SCFD2: variants seen among roughly 807,000 people sequenced by gnomAD.
SCFD2 encodes sec1 family domain-containing protein 2.
SCFD2 carries 54 observed loss-of-function variants against 58.9 expected under a neutral mutation model. The observed-to-expected ratio is 0.92, with a 90% CI of 0.74 to 1.15. The LOEUF (loss-of-function observed/expected upper bound fraction) is 1.15. Among genes scored for constraint, SCFD2 ranks in the 50% most tolerant of loss-of-function variants. The pLI is 0.00. For missense variants in SCFD2, 805 were observed against 836.6 expected, an observed-to-expected ratio of 0.96 and a Z score of 0.47; for synonymous variants, 321 against 335.9, an observed-to-expected ratio of 0.96 and a Z score of 0.49.
At chr4:53,136,688 T>A (rs1487243839) in intron 5 of SCFD2, among the ~76,000 whole-genome samples, 2 of 152,212 alleles carry the variant, frequency 1.3e-5, no homozygotes, top group African/African-American at 4.8e-5. Flanking sequence ...GCTACATTTA[T>A]TAGACATGCA....
At chr4:53,228,242 T>C (rs553267941) in intron 4 of SCFD2, among the ~76,000 whole-genome samples, 5 of 152,264 alleles carry the variant, frequency 3.3e-5, no homozygotes, top group South Asian at 4.1e-4. Flanking sequence ...AAACATCTTG[T>C]AAAGACTTCA....
chr4:53,116,846 T>C (rs766345259), intron 5 of SCFD2, among the ~76,000 whole-genome samples: 25 of 152,190 alleles, frequency 1.6e-4, no homozygotes, highest in Non-Finnish European at 3.4e-4. Context: ...AGAAGGCAGA[T>C]GGATGTTAAC....
At chr4:53,256,553 T>C (rs976748508) in intron 4 of SCFD2, among the ~76,000 whole-genome samples, 7 of 152,052 alleles carry the variant, frequency 4.6e-5, no homozygotes, top group Admixed American at 3.9e-4. Context: ...TGTAGTGAGC[T>C]GAGATCACGC....
chr4:52,903,052 T>C lies in SCFD2; in HGVS notation c.1842+4405A>G, dbSNP rs982561834. On this transcript the variant is annotated intron_variant, in intron 7 of 8. Transcript: ENST00000401642. ...TCCCTTTGTGTCACTCATCCTCCTA[T>C]GTGACCACTCTGTGAGGTCACATTT... Among the ~76,000 whole-genome samples the C allele has an allele frequency of 1.5e-4, 23 of 152,222 alleles. 1 individual carries two copies. The highest frequency in any genetic ancestry group is 1.2e-3 in the Admixed American group (19 of 15,290).
chr4:53,169,092 T>C (rs1306760735), intron 4 of SCFD2, among the ~76,000 whole-genome samples: 1 of 152,230 alleles, frequency 6.6e-6, no homozygotes, highest in Admixed American at 6.5e-5. Flanking sequence ...TAAGAATGCA[T>C]AGGCCGGGCG....
At chr4:53,330,984 CAA>C (rs1733438308) in intron 2 of SCFD2, among the ~76,000 whole-genome samples, 1 of 150,858 alleles carries the variant, frequency 6.6e-6, no homozygotes. Context: ...CAACAAAGAT[CAA>C]AAGAGACAAA....
intron 4 of SCFD2, among the ~76,000 whole-genome samples, chr4:53,223,838 G>A (rs953307913): frequency 4.6e-5 from 7 of 152,226 alleles, no homozygotes; most frequent in African/African-American, 1.7e-4. Context: ...TCTCATGGAA[G>A]GTTATAAACT....
At chr4:53,331,504 C>T (rs1424699331) in intron 2 of SCFD2, among the ~76,000 whole-genome samples, 3 of 152,132 alleles carry the variant, frequency 2.0e-5, no homozygotes, top group African/African-American at 7.2e-5. Flanking sequence ...CTACTGGATA[C>T]ATAACGAAAT....
In SCFD2 at chr4:53,081,009, T is replaced by C. The variant is rs143666038; in HGVS notation, c.1561+64324A>G. Among the ~76,000 whole-genome samples the C allele has an allele frequency of 4.6e-5, 7 of 152,280 alleles. No individual in the cohort carries two copies. In the East Asian group the frequency reaches 1.4e-3, roughly 29 times the overall value. Reference sequence around the variant, plus strand: ...ATGAAATACATTAAGTATATAATAATTCTGACTTCAAGAACTATCCAGTAT... The same window carrying C: ...ATGAAATACATTAAGTATATAATAACTCTGACTTCAAGAACTATCCAGTAT... On this transcript the variant is annotated intron_variant, in intron 5 of 8. Transcript: ENST00000401642.
chr4:53,205,961 T>C (rs1209202168), intron 4 of SCFD2, among the ~76,000 whole-genome samples: 1 of 152,000 alleles, frequency 6.6e-6, no homozygotes, highest in African/African-American at 2.4e-5. Flanking sequence ...GTAAATATAA[T>C]CATAGAACTT....
chr4:52,952,640 A>T lies in SCFD2; in HGVS notation c.1562-31770T>A, dbSNP rs895017691. 3.3e-5 allele frequency among the ~76,000 whole-genome samples: 5 copies of T among 152,250 alleles called. No individual in the cohort carries two copies. The East Asian group carries it at 9.6e-4, about 29-fold the overall frequency. Reference sequence around the variant, plus strand: ...AATAGGCAGTAATCACATATGGGCAACATCTAGGTGACCCCAGCATGGATT... The same window carrying T: ...AATAGGCAGTAATCACATATGGGCATCATCTAGGTGACCCCAGCATGGATT... On this transcript the variant is annotated intron_variant, in intron 5 of 8. Transcript: ENST00000401642.
intron 5 of SCFD2, among the ~76,000 whole-genome samples, chr4:52,962,719 G>C (rs1720879945): frequency 6.6e-6 from 1 of 152,156 alleles, no homozygotes; most frequent in Non-Finnish European, 1.5e-5. Flanking sequence ...GACAAAAGTT[G>C]TAACTTCTTG....
chr4:53,005,906 C>T (rs1397591922), intron 5 of SCFD2, among the ~76,000 whole-genome samples: 1 of 152,082 alleles, frequency 6.6e-6, no homozygotes, highest in Non-Finnish European at 1.5e-5. Flanking sequence ...GGAGAACTTG[C>T]CCTTTAATAA....
At chr4:52,898,099 AC>A (rs1719074811) in intron 7 of SCFD2, among the ~76,000 whole-genome samples, 3 of 152,156 alleles carry the variant, frequency 2.0e-5, no homozygotes, top group Non-Finnish European at 4.4e-5. Flanking sequence ...TTTTCAAAAA[AC>A]CAGCTCCTGG....
At chr4:53,202,630 T>C (rs950548954) in intron 4 of SCFD2, among the ~76,000 whole-genome samples, 36 of 152,340 alleles carry the variant, frequency 2.4e-4, no homozygotes, top group Admixed American at 7.8e-4. Flanking sequence ...ATGGCCATTT[T>C]CACGATATTG....
At chr4:53,145,805 G>GT (rs1726312486) in intron 4 of SCFD2, among the ~76,000 whole-genome samples, 1 of 152,056 alleles carries the variant, frequency 6.6e-6, no homozygotes, top group Non-Finnish European at 1.5e-5. Flanking sequence ...CAGTCAAGTT[G>GT]TAGGTTCCAT....
chr4:53,325,117 C>T (rs1362970388), intron 2 of SCFD2, among the ~76,000 whole-genome samples: 1 of 151,576 alleles, frequency 6.6e-6, no homozygotes, highest in Admixed American at 6.6e-5. Context: ...TTCCCTCTTA[C>T]TTTTGTTTCT....
intron 5 of SCFD2, among the ~76,000 whole-genome samples, chr4:53,046,539 A>G (rs1182121334): frequency 6.8e-6 from 1 of 147,332 alleles, no homozygotes; most frequent in Non-Finnish European, 1.5e-5. Context: ...AAGAGCACAG[A>G]TTTTTTTTTT....
intron 5 of SCFD2, among the ~76,000 whole-genome samples, chr4:52,993,522 G>A (rs763449230): frequency 1.1e-3 from 170 of 152,228 alleles, no homozygotes; most frequent in Non-Finnish European, 2.0e-3. Flanking sequence ...AAGCAGCTCC[G>A]CATTTTAGTC....
Sources: gnomAD v4.1 joint callset for allele counts (sites outside exome capture counted in the v4.1 genomes callset) on GRCh38, gnomAD v4.1.1 for gene constraint, MANE v1.5 for transcripts, NCBI Gene and HGNC (gene_info 2026-07-23, HGNC 2026-07-21) for gene names.